The following SHANK2 variants were observed in gnomAD, a reference collection of about 807,000 sequenced individuals.
SHANK2 encodes SH3 and multiple ankyrin repeat domains protein 2.
Under a neutral mutation model 133.7 loss-of-function variants are expected in SHANK2, and 43 were observed. The observed-to-expected ratio is 0.32, with a 90% confidence interval of 0.25 to 0.41. The LOEUF (loss-of-function observed/expected upper bound fraction) is 0.41. Ranked by LOEUF, SHANK2 falls within the 10% of genes least tolerant of loss-of-function variation. The pLI, the probability that SHANK2 is intolerant of heterozygous loss-of-function variation, is 1.00. For synonymous variants in SHANK2, 1,017 were observed against 952.8 expected (o/e 1.07, Z -1.24); for missense variants, 1,994 against 2,235.8 (o/e 0.89, Z 2.18).
At chr11:70,513,627 T>C (rs1454539322) in intron 17 of SHANK2, among the ~76,000 whole-genome samples, 1 of 152,180 alleles carries the variant, frequency 6.6e-6, no homozygotes, top group Non-Finnish European at 1.5e-5. Context: ...AAACAGCTAC[T>C]GTAACAATAC....
At chr11:70,563,593 C>T (rs975809726) in intron 17 of SHANK2, among the ~76,000 whole-genome samples, 1 of 136,790 alleles carries the variant, frequency 7.3e-6, no homozygotes. Context: ...GGCTAGAGTG[C>T]AATGGTGTGA....
chr11:70,696,368 G>A (rs1286952548), intron 15 of SHANK2, among the ~76,000 whole-genome samples: 1 of 152,148 alleles, frequency 6.6e-6, no homozygotes, highest in Non-Finnish European at 1.5e-5. Context: ...GCTCCTCTGT[G>A]GGGAGACTCA....
At chr11:70,911,364 C>CAAAAAAA (rs1565400950) in intron 10 of SHANK2, among the ~76,000 whole-genome samples, 1 of 148,556 alleles carries the variant, frequency 6.7e-6, no homozygotes, top group Non-Finnish European at 1.5e-5. Flanking sequence ...TCAAAAAAAA[C>CAAAAAAA]AAAAAAACAA....
At chr11:70,517,006 G>A (rs1342200017) in intron 17 of SHANK2, among the ~76,000 whole-genome samples, 2 of 152,322 alleles carry the variant, frequency 1.3e-5, no homozygotes, top group Admixed American at 1.3e-4. Flanking sequence ...CTGGGAGGTG[G>A]AGGTTGCTGT....
At chr11:71,172,621 G>GA (rs1953341803) in intron 2 of SHANK2, among the ~76,000 whole-genome samples, 2 of 149,032 alleles carry the variant, frequency 1.3e-5, no homozygotes, top group Non-Finnish European at 3.0e-5. Context: ...AAGAAAAAAA[G>GA]AAAAAAGAAA....
intron 3 of SHANK2, among the ~76,000 whole-genome samples, chr11:71,144,385 T>C: frequency 6.6e-6 from 1 of 152,178 alleles, no homozygotes; most frequent in East Asian, 1.9e-4. Flanking sequence ...GTTCTGTCTC[T>C]TCCTCCCTCA....
chr11:70,586,420 G>T (rs1358641267), intron 17 of SHANK2, among the ~76,000 whole-genome samples: 2 of 152,282 alleles, frequency 1.3e-5, no homozygotes, highest in Admixed American at 1.3e-4. Flanking sequence ...TGGGGCCGGG[G>T]TCACCTATTG....
At chr11:71,186,124 G>A (rs1555114444) in intron 2 of SHANK2, among the ~76,000 whole-genome samples, 1 of 152,196 alleles carries the variant, frequency 6.6e-6, no homozygotes, top group Non-Finnish European at 1.5e-5. Context: ...ACTGGCTGCT[G>A]GGTCTGGCAT....
At chr11:70,846,714 A>G (rs1949002920) in intron 11 of SHANK2, among the ~76,000 whole-genome samples, 2 of 152,186 alleles carry the variant, frequency 1.3e-5, no homozygotes, top group Non-Finnish European at 2.9e-5. Context: ...CAGATAGTCC[A>G]GTCACCTGCT....
At chr11:70,637,525 G>C in intron 17 of SHANK2, among the ~76,000 whole-genome samples, 1 of 152,240 alleles carries the variant, frequency 6.6e-6, no homozygotes, top group Middle Eastern at 3.4e-3. Context: ...CGGAGAGCCA[G>C]CCCATGATAG....
intron 17 of SHANK2, among the ~76,000 whole-genome samples, chr11:70,516,377 A>G (rs1012782133): frequency 8.5e-5 from 13 of 152,282 alleles, no homozygotes; most frequent in Admixed American, 8.5e-4. Flanking sequence ...CCATGGAGAA[A>G]GGACAGTCTT....
chr11:70,720,758 C>T lies in SHANK2; in HGVS notation c.1778-21995G>A, dbSNP rs77095465. Among the ~76,000 whole-genome samples, 35 of 152,054 alleles carry T rather than the reference C, an allele frequency of 2.3e-4. No homozygotes were observed. The East Asian group carries it at 2.3e-3, about 10-fold the overall frequency. On this transcript the variant is annotated intron_variant, in intron 14 of 25. Transcript: ENST00000601538. ...ACACGCATGTGAACATACACACACACATTCATGTAGCACACCGGCATGCAC... is the reference window on the plus strand; with the variant it reads ...ACACGCATGTGAACATACACACACATATTCATGTAGCACACCGGCATGCAC...
intron 8 of SHANK2, among the ~76,000 whole-genome samples, chr11:71,083,046 G>A (rs1179187302): frequency 6.6e-6 from 1 of 150,876 alleles, no homozygotes; most frequent in Non-Finnish European, 1.5e-5. Flanking sequence ...CCAGGCTCAG[G>A]GGGTCCTCCC....
At chr11:70,858,902 T>C (rs1280688270) in intron 11 of SHANK2, among the ~76,000 whole-genome samples, 3 of 152,222 alleles carry the variant, frequency 2.0e-5, no homozygotes, top group Non-Finnish European at 2.9e-5. Flanking sequence ...TCCACACACC[T>C]GTACATGCTC....
At chr11:70,651,031 C>T (rs1329148515) in intron 17 of SHANK2, among the ~76,000 whole-genome samples, 1 of 152,182 alleles carries the variant, frequency 6.6e-6, no homozygotes, top group East Asian at 1.9e-4. Flanking sequence ...GTTCAAGAAA[C>T]TGAGGCCAAG....
intron 17 of SHANK2, among the ~76,000 whole-genome samples, chr11:70,614,317 G>GT (rs111288482): frequency 0.064 from 9,454 of 146,846 alleles, 355 homozygotes; most frequent in African/African-American, 0.097. Flanking sequence ...TGTGGGTTTT[G>GT]TTTTTTTTTT....
rs899116775 is a variant in SHANK2, at chr11:71,082,249, C to T, written c.913-6974G>A. Among the ~76,000 whole-genome samples, 4 of 152,324 alleles carry T rather than the reference C, an allele frequency of 2.6e-5. No homozygotes were observed. In the South Asian group the frequency reaches 8.3e-4, roughly 32 times the overall value. Reference sequence around the variant, plus strand: ...TTCACGCTGGCCCTTCCTGTGCTACCTGGCATTGTGCTTACCGTGACCAAG... The same window carrying T: ...TTCACGCTGGCCCTTCCTGTGCTACTTGGCATTGTGCTTACCGTGACCAAG... On this transcript the variant is annotated intron_variant, in intron 8 of 25. Coordinates refer to ENST00000601538, the MANE Select transcript of SHANK2 (RefSeq NM_012309.5).
chr11:70,489,598 C>A (rs1221234471), intron 23 of SHANK2: 18 of 553,466 alleles, frequency 3.3e-5, no homozygotes, highest in Non-Finnish European at 5.8e-5. Flanking sequence ...AGACCAGAGT[C>A]CCAGGGTTGC....
chr11:70,545,747 G>A (rs1054515844), intron 17 of SHANK2, among the ~76,000 whole-genome samples: 7 of 152,224 alleles, frequency 4.6e-5, no homozygotes, highest in African/African-American at 7.2e-5. Flanking sequence ...ACCTCCCAGA[G>A]TCAGTGCAGA....
Sources: gnomAD v4.1 joint callset for allele counts (sites outside exome capture counted in the v4.1 genomes callset) on GRCh38, gnomAD v4.1.1 for gene constraint, MANE v1.5 for transcripts, NCBI Gene and HGNC (gene_info 2026-07-23, HGNC 2026-07-21) for gene names.